The following BRD3 variants were observed in gnomAD, a reference collection of about 807,000 sequenced individuals.
BRD3 encodes the protein bromodomain containing 3.
BRD3 carries 17 observed loss-of-function variants against 66.8 expected under a neutral mutation model. That is an observed-to-expected ratio of 0.25 (90% CI 0.17 to 0.38). The LOEUF (loss-of-function observed/expected upper bound fraction) is 0.38. BRD3 is among the 10% of genes least tolerant of loss of function. The probability of loss-of-function intolerance (pLI) is 1.00; values close to 1 mark genes in which losing one functional copy is unlikely to be tolerated. For missense variants in BRD3, 713 were observed against 956.1 expected (o/e 0.75, Z 3.35); for synonymous variants, 421 against 393.2 (o/e 1.07, Z -0.84).
chr9:134,056,829 A>C (rs1830436355), intron 1 of BRD3: 1 of 152,320 alleles, frequency 6.6e-6, no homozygotes, highest in African/African-American at 2.4e-5. Context: ...CAGCACATTC[A>C]CACCATGTCA....
intron 7 of BRD3, among the ~76,000 whole-genome samples, chr9:134,044,209 GC>G (rs1436143649): frequency 1.3e-5 from 2 of 152,196 alleles, no homozygotes; most frequent in African/African-American, 2.4e-5. Flanking sequence ...GGACCACCCT[GC>G]CATCATCACC....
rs1002238570 is a variant in BRD3, at chr9:134,031,275, C to T, written c.*2315G>A. 8 of 209,320 alleles carry T rather than the reference C, an allele frequency of 3.8e-5. No homozygotes were observed. Among genetic ancestry groups the T allele is most frequent in the Admixed American group, 3.0e-4 (5 of 16,882 alleles). 13.0% of individuals were successfully genotyped at this position (209,320 alleles called of 1,614,324 possible). Reference sequence around the variant, plus strand: ...CCCCCACAGCCGGCCGCTCCCCCGACGGCTCACACAGGCAGCACCTCACTG... The same window carrying T: ...CCCCCACAGCCGGCCGCTCCCCCGATGGCTCACACAGGCAGCACCTCACTG... On this transcript the variant is annotated 3_prime_UTR_variant, in exon 12 of 12. Coordinates refer to ENST00000303407, the MANE Select transcript of BRD3 (RefSeq NM_007371.4).
chr9:134,067,361 CCGGCCG>C (rs1404641410), intron 1 of BRD3, among the ~76,000 whole-genome samples: 2 of 151,380 alleles, frequency 1.3e-5, no homozygotes, highest in Non-Finnish European at 3.0e-5. Context: ...GCCCCCCGCC[CCGGCCG>C]CGGCGCGCGG....
intron 7 of BRD3, among the ~76,000 whole-genome samples, chr9:134,042,734 CACACATATATACACATATAT>C (rs950725891): frequency 6.6e-6 from 1 of 150,808 alleles, no homozygotes; most frequent in East Asian, 1.9e-4. Context: ...CATATATATA[CACACATATATACACATATAT>C]ACACATATAT....
rs1338169110 is a variant in BRD3 at position 134,031,912 on chromosome 9, T to A, written c.*1678A>T. ...TGGTTTCAGTCATTTCCGGACTAAC[T>A]GTGACAACGCGTGAGCAGGGAGCAC... On this transcript the variant is annotated 3_prime_UTR_variant, in exon 12 of 12. Transcript: ENST00000303407. The A allele has an allele frequency of 4.5e-6, 1 of 219,924 alleles. No individual in the cohort carries two copies. Among genetic ancestry groups the A allele is most frequent in the Non-Finnish European group, 9.1e-6 (1 of 109,544 alleles). The allele number at this position is 219,924 out of a possible 1,614,324, so 13.6% of individuals were successfully genotyped here. A position where few individuals can be genotyped will look rare whatever the true frequency, so the allele number is the denominator to read the frequency against.
chr9:134,043,390 G>A (rs530065345), intron 7 of BRD3, among the ~76,000 whole-genome samples: 7 of 152,370 alleles, frequency 4.6e-5, no homozygotes, highest in African/African-American at 1.7e-4. Flanking sequence ...GGGAGGCACA[G>A]TGATGTGGAA....
Position 134,033,242 on chromosome 9 carries a change from A to G in BRD3, c.*348T>C, listed in dbSNP as rs917516837. 1 of 403,118 alleles carries G rather than the reference A, an allele frequency of 2.5e-6. No homozygotes were observed. Among genetic ancestry groups the G allele is most frequent in the Non-Finnish European group, 4.4e-6 (1 of 228,912 alleles). 25.0% of individuals were successfully genotyped at this position (403,118 alleles called of 1,614,324 possible). A position where few individuals can be genotyped will look rare whatever the true frequency, so the allele number is the denominator to read the frequency against. ...CTTGGAAAAAATTCTTTCTCGAGCT[A>G]TCGACCAGGTTGGGCCTAAGCAAAG... On this transcript the variant is annotated 3_prime_UTR_variant, in exon 12 of 12. Transcript: ENST00000303407. The surrounding 1 kb of genome is among the most constrained non-coding windows in gnomAD (Gnocchi z 5.1).
In BRD3 at chr9:134,034,436, T is replaced by TG. The variant is rs1037061436; in HGVS notation, c.2065+264dup. On this transcript the variant is annotated intron_variant, in intron 11 of 11. Transcript: ENST00000303407. ...GTCCAGCCCCACAAGAGCCCTCTCC[T>TG]GGGGGGTCCTCTGTCTGTGGTGCCC... The TG allele has an allele frequency of 1.1e-4, 50 of 458,894 alleles. 1 individual carries two copies. The highest frequency in any genetic ancestry group is 7.7e-4 in the African/African-American group (39 of 50,876). 28.4% of individuals were successfully genotyped at this position (458,894 alleles called of 1,614,324 possible).
At chr9:134,051,751 C>T in intron 3 of BRD3, 42 bp from the exon 4 acceptor site, 1 of 1,563,476 alleles carries the variant, frequency 6.4e-7, no homozygotes. Flanking sequence ...AGGAAAGGAG[C>T]TGTGTGCTTG....
Position 134,048,275 on chromosome 9 carries a change from C to T in BRD3, c.894G>A (p.Val298=), listed in dbSNP as rs199744255. 27 of 1,607,850 alleles carry T rather than the reference C, an allele frequency of 1.7e-5. No individual in the cohort carries two copies. In the East Asian group the frequency reaches 5.8e-4, roughly 35 times the overall value. ...PPKKDLEDGE[V]PQHAGKKGKL... is the part of the protein sequence containing the mutation. ...TGCCCTTCTTGCCTGCGTGCTGGGG[C>T]ACCTCGCCGTCCTCCAGGTCCTTCT... Residue 298 remains valine, a synonymous_variant, in exon 6 of 12, where the codon GTG becomes GTA. Transcript: ENST00000303407.
At chr9:134,046,165 G>C (rs927379004) in intron 6 of BRD3, among the ~76,000 whole-genome samples, 1 of 152,226 alleles carries the variant, frequency 6.6e-6, no homozygotes, top group Non-Finnish European at 1.5e-5. Flanking sequence ...GGGGTAAGGA[G>C]GGGCACACAG....
At chr9:134,047,522 G>C (rs946388683) in intron 6 of BRD3, among the ~76,000 whole-genome samples, 3 of 152,212 alleles carry the variant, frequency 2.0e-5, no homozygotes, top group African/African-American at 7.2e-5. Context: ...AGGCACACAA[G>C]AGCCCAGGCA....
In BRD3 at chr9:134,043,783, C is replaced by T. The variant is rs964243308; in HGVS notation, c.1215+1510G>A. Among the ~76,000 whole-genome samples the T allele has an allele frequency of 3.9e-5, 6 of 152,190 alleles. No individual in the cohort carries two copies. In the East Asian group the frequency reaches 5.8e-4, roughly 15 times the overall value. ...ACAGCTCACTGCAGTCTCCAACGCC[C>T]GGGCTCAGGTGATCCTCCCATCTCA... On this transcript the variant is annotated intron_variant, in intron 7 of 11. Transcript: ENST00000303407.
intron 1 of BRD3, among the ~76,000 whole-genome samples, chr9:134,056,482 C>G (rs999484431): frequency 6.6e-6 from 1 of 152,232 alleles, no homozygotes; most frequent in Non-Finnish European, 1.5e-5. Flanking sequence ...TTTGCAAAAA[C>G]TCGAGGACAA....
rs1843573146 is a variant in BRD3, at chr9:134,034,727, C to T, written c.2039G>A (p.Ser680Asn). The T allele has an allele frequency of 6.2e-7, 1 of 1,607,418 alleles. No homozygotes were observed. Among genetic ancestry groups the T allele is most frequent in the Non-Finnish European group, 8.5e-7 (1 of 1,179,982 alleles). ...TTTCCGGGCGGGCTTCTTGCTGCTGCTCAGCTGCCCGCTGACATCCTGCAG... is the reference window on the plus strand; with the variant it reads ...TTTCCGGGCGGGCTTCTTGCTGCTGTTCAGCTGCCCGCTGACATCCTGCAG... Reference protein sequence around the residue: ...KRLQDVSGQLSSSKKPARKEK... With the variant: ...KRLQDVSGQLNSSKKPARKEK... The change falls in exon 11 of 12, where the codon AGC becomes AAC. Residue 680 changes from serine to asparagine, a missense_variant. Transcript: ENST00000303407.
rs772256307 is a variant in BRD3, at chr9:134,053,512, C to T, written c.-35G>A. ...GCTCACTCACTTTCTGTCACAGCAG[C>T]GGCTTGGAGAGGCCCTGGCTGCTTC... On this transcript the variant is annotated 5_prime_UTR_variant, in exon 2 of 12. Coordinates refer to ENST00000303407, the MANE Select transcript of BRD3 (RefSeq NM_007371.4). The T allele has an allele frequency of 2.4e-5, 37 of 1,537,666 alleles. No homozygotes were observed. Among genetic ancestry groups the T allele is most frequent in the Non-Finnish European group, 2.6e-5 (30 of 1,145,832 alleles).
intron 7 of BRD3, among the ~76,000 whole-genome samples, chr9:134,042,786 C>T (rs1017884164): frequency 1.4e-5 from 1 of 70,542 alleles, no homozygotes. Flanking sequence ...TATATATACA[C>T]AAATATACAC....
intron 7 of BRD3, among the ~76,000 whole-genome samples, chr9:134,042,582 A>C (rs1449041069): frequency 6.6e-6 from 1 of 151,946 alleles, no homozygotes; most frequent in Non-Finnish European, 1.5e-5. Context: ...GGCTGCAGTG[A>C]GCCGAAATCA....
Position 134,053,377 on chromosome 9 carries a change from C to A in BRD3, c.101G>T (p.Arg34Leu). 1 of 1,568,726 alleles carries A rather than the reference C, an allele frequency of 6.4e-7. No individual in the cohort carries two copies. The highest frequency in any genetic ancestry group is 1.1e-5 in the South Asian group (1 of 90,462). ...PEVSNPSKPG[R>L]KTNQLQYMQN... is the part of the protein sequence containing the mutation. Reference sequence around the variant, plus strand: ...CATGTACTGCAGCTGGTTGGTCTTGCGGCCGGGCTTGCTGGGGTTGGAGAC... The same window carrying A: ...CATGTACTGCAGCTGGTTGGTCTTGAGGCCGGGCTTGCTGGGGTTGGAGAC... The change falls in exon 2 of 12, where the codon CGC becomes CTC. Residue 34 changes from arginine (R) to leucine (L), a missense_variant. Physicochemically the swap from Arg to Leu is moderately radical, Grantham distance 102 (BLOSUM62 -2). Around this residue, in one of 5 missense-constraint regions of BRD3, gnomAD observed 85 missense variants for 152.4 expected, o/e 0.56. Coordinates refer to ENST00000303407, the MANE Select transcript of BRD3 (RefSeq NM_007371.4).
Sources: allele counts gnomAD v4.1 joint callset (sites outside exome capture counted in the v4.1 genomes callset), GRCh38; gene constraint gnomAD v4.1.1; regional missense constraint gnomAD v4.1.1; non-coding constraint Gnocchi (gnomAD v3.1); transcripts MANE v1.5; gene names NCBI Gene and HGNC (gene_info 2026-07-23, HGNC 2026-07-21).